DENND1A: variants seen among roughly 807,000 people sequenced by gnomAD.
DENND1A encodes the protein DENN domain-containing protein 1A.
A neutral mutation model predicts 113.7 loss-of-function variants in DENND1A; 51 were observed. The ratio of observed to expected loss-of-function variants is 0.45; its 90% CI spans 0.36 to 0.57. The LOEUF is 0.57. DENND1A is among the 20% of genes least tolerant of loss of function. DENND1A has a pLI of 0.00. For synonymous variants in DENND1A, 565 were observed against 570.8 expected (o/e 0.99, Z 0.14); for missense variants, 1,258 against 1,395.9 (o/e 0.90, Z 1.57).
intron 1 of DENND1A, among the ~76,000 whole-genome samples, chr9:123,893,408 A>G (rs1390607281): frequency 6.6e-6 from 1 of 152,264 alleles, no homozygotes; most frequent in African/African-American, 2.4e-5. Flanking sequence ...AAAGACCGTC[A>G]TTAGCAGGAC....
At chr9:123,599,612 C>T (rs770897240) in intron 11 of DENND1A, among the ~76,000 whole-genome samples, 5 of 152,152 alleles carry the variant, frequency 3.3e-5, no homozygotes, top group South Asian at 2.1e-4. Flanking sequence ...AGAAGCTCAG[C>T]GACTTGCCCA....
chr9:123,453,433 C>G (rs1205563533), intron 16 of DENND1A, among the ~76,000 whole-genome samples: 1 of 152,162 alleles, frequency 6.6e-6, no homozygotes, highest in Non-Finnish European at 1.5e-5. Flanking sequence ...ATGGCGTATG[C>G]TGTAACAAGT....
chr9:123,417,323 A>T (rs1189680043), intron 19 of DENND1A, among the ~76,000 whole-genome samples: 1 of 152,218 alleles, frequency 6.6e-6, no homozygotes, highest in Non-Finnish European at 1.5e-5. Flanking sequence ...CTGTTGAAGG[A>T]CACTGGATTT....
intron 5 of DENND1A, among the ~76,000 whole-genome samples, chr9:123,716,042 T>A (rs2066957760): frequency 6.6e-6 from 1 of 152,132 alleles, no homozygotes. Flanking sequence ...TCTGGAGCAC[T>A]CCAGGGAGCA....
chr9:123,770,094 T>G (rs1001529769), intron 3 of DENND1A, among the ~76,000 whole-genome samples: 1 of 152,220 alleles, frequency 6.6e-6, no homozygotes, highest in African/African-American at 2.4e-5. Context: ...TTTTAGAGTT[T>G]AAAACTTCAT....
At chr9:123,680,124 TAGA>T (rs1284014289) in intron 5 of DENND1A, among the ~76,000 whole-genome samples, 1 of 152,134 alleles carries the variant, frequency 6.6e-6, no homozygotes, top group African/African-American at 2.4e-5. Flanking sequence ...CGGACTGATG[TAGA>T]AGATGATCAT....
At chr9:123,555,742 C>G (rs2057378742) in intron 13 of DENND1A, among the ~76,000 whole-genome samples, 1 of 152,206 alleles carries the variant, frequency 6.6e-6, no homozygotes, top group African/African-American at 2.4e-5. Flanking sequence ...GGCTTCTGTC[C>G]TTAAATCCAG....
At chr9:123,614,163 AT>A (rs1257768092) in intron 10 of DENND1A, among the ~76,000 whole-genome samples, 2 of 152,230 alleles carry the variant, frequency 1.3e-5, no homozygotes, top group African/African-American at 4.8e-5. Flanking sequence ...GAAAGATAAA[AT>A]TTGCCAAGAT....
chr9:123,552,050 A>G (rs1345710592), intron 13 of DENND1A, among the ~76,000 whole-genome samples: 1 of 151,710 alleles, frequency 6.6e-6, no homozygotes, highest in East Asian at 1.9e-4. Context: ...AGAGAGAGAG[A>G]GAGAGAGAGA....
intron 19 of DENND1A, among the ~76,000 whole-genome samples, chr9:123,428,862 C>G (rs1006520424): frequency 6.6e-6 from 1 of 152,110 alleles, no homozygotes; most frequent in African/African-American, 2.4e-5. Context: ...TCAAGGAGAA[C>G]CACAAACCAC....
At chr9:123,547,927 C>A (rs2056806345) in intron 13 of DENND1A, among the ~76,000 whole-genome samples, 1 of 152,208 alleles carries the variant, frequency 6.6e-6, no homozygotes, top group African/African-American at 2.4e-5. Flanking sequence ...ATCAGCAAGG[C>A]ACTATGCTGG....
chr9:123,612,230 G>A (rs1473116611), intron 10 of DENND1A, among the ~76,000 whole-genome samples: 1 of 152,162 alleles, frequency 6.6e-6, no homozygotes, highest in African/African-American at 2.4e-5. Flanking sequence ...GAGAGGGAGA[G>A]GGAAGAAAAA....
At chr9:123,683,244 A>G (rs879301234) in intron 5 of DENND1A, among the ~76,000 whole-genome samples, 1 of 152,222 alleles carries the variant, frequency 6.6e-6, no homozygotes, top group Non-Finnish European at 1.5e-5. Flanking sequence ...GCTGTATTAG[A>G]CCACTTAACA....
chr9:123,553,421 CCT>C (rs1311936259), intron 13 of DENND1A, among the ~76,000 whole-genome samples: 1 of 151,522 alleles, frequency 6.6e-6, no homozygotes, highest in Non-Finnish European at 1.5e-5. Context: ...GCTCCTCATC[CCT>C]CCGTGATTCT....
At chr9:123,430,554 CA>C (rs2046059410) in intron 19 of DENND1A, among the ~76,000 whole-genome samples, 1 of 152,218 alleles carries the variant, frequency 6.6e-6, no homozygotes, top group Admixed American at 6.5e-5. Context: ...CCATTATCCT[CA>C]GCAAACTAGT....
intron 2 of DENND1A, among the ~76,000 whole-genome samples, chr9:123,848,228 T>TAAAAAAAAAAAAAAAAAAA (rs375535777): frequency 1.7e-5 from 1 of 60,498 alleles, no homozygotes; most frequent in African/African-American, 7.2e-5. Flanking sequence ...GATACTGCTT[T>TAAAAAAAAAAAAAAAAAAA]AAAAAAAAAA....
intron 11 of DENND1A, among the ~76,000 whole-genome samples, chr9:123,590,560 A>C (rs1207969417): frequency 1.3e-5 from 2 of 152,160 alleles, no homozygotes; most frequent in African/African-American, 4.8e-5. Context: ...TTAATATTTT[A>C]AAGTACTTGG....
chr9:123,907,157 A>G lies in DENND1A; in HGVS notation c.17+22732T>C, dbSNP rs1201341042. 2.8e-5 allele frequency among the ~76,000 whole-genome samples: 4 copies of G among 145,202 alleles called. No homozygotes were observed. In the South Asian group the frequency reaches 6.8e-4, roughly 25 times the overall value. On this transcript the variant is annotated intron_variant, in intron 1 of 23. Transcript: ENST00000394215. The stretch of plus-strand genomic sequence containing the variant: ...GAAAAAGCCTTTGACAAAATTCAAC[A>G]ACCCTTCATGCTAAAAACTCTCAAT...
chr9:123,574,467 T>C (rs1349718840), intron 12 of DENND1A, among the ~76,000 whole-genome samples: 1 of 152,218 alleles, frequency 6.6e-6, no homozygotes, highest in African/African-American at 2.4e-5. Context: ...ATTTGTTCAT[T>C]TTACCTAATT....
Sources: gnomAD v4.1 joint callset for allele counts (sites outside exome capture counted in the v4.1 genomes callset) on GRCh38, gnomAD v4.1.1 for gene constraint, MANE v1.5 for transcripts, NCBI Gene and HGNC (gene_info 2026-07-23, HGNC 2026-07-21) for gene names.